HCN1: variants seen among roughly 807,000 people sequenced by gnomAD.
HCN1 encodes potassium/sodium hyperpolarization-activated cyclic nucleotide-gated channel 1.
HCN1 carries 13 observed loss-of-function variants against 78.9 expected under a neutral mutation model. The ratio of observed to expected loss-of-function variants is 0.16; its 90% CI spans 0.11 to 0.26. HCN1 has a LOEUF of 0.26. Among genes scored for constraint, HCN1 ranks in the 10% least tolerant of loss-of-function variants. The pLI is 1.00. For synonymous variants in HCN1, 552 were observed against 455.5 expected, an observed-to-expected ratio of 1.21 and a Z score of -2.70; for missense variants, 810 against 1,154.3, an observed-to-expected ratio of 0.70 and a Z score of 4.32.
chr5:45,364,042 TA>T (rs1747181105), intron 4 of HCN1, among the ~76,000 whole-genome samples: 1 of 152,076 alleles, frequency 6.6e-6, no homozygotes, highest in East Asian at 1.9e-4. Context: ...GATTCCAAAC[TA>T]AGACAGTATT....
intron 5 of HCN1, among the ~76,000 whole-genome samples, chr5:45,347,114 T>C (rs13164305): frequency 0.97 from 148,230 of 152,294 alleles, 72,253 homozygotes; most frequent in East Asian, 1. Context: ...GGGAGGCACC[T>C]CCCAGTAGGG....
At chr5:45,602,841 G>T (rs1579994193) in intron 2 of HCN1, among the ~76,000 whole-genome samples, 1 of 152,064 alleles carries the variant, frequency 6.6e-6, no homozygotes, top group African/African-American at 2.4e-5. Flanking sequence ...TTTGTGATCA[G>T]ATTTCACTTC....
intron 1 of HCN1, among the ~76,000 whole-genome samples, chr5:45,683,393 C>T (rs1358462502): frequency 1.3e-5 from 2 of 152,052 alleles, no homozygotes; most frequent in Non-Finnish European, 1.5e-5. Context: ...CTGAACTTAG[C>T]AGTTAACTCC....
chr5:45,494,814 A>C (rs923449141), intron 2 of HCN1, among the ~76,000 whole-genome samples: 1 of 152,218 alleles, frequency 6.6e-6, no homozygotes, highest in African/African-American at 2.4e-5. Flanking sequence ...AGCTTTCTAC[A>C]TATGGCTAGC....
intron 3 of HCN1, among the ~76,000 whole-genome samples, chr5:45,431,994 A>G (rs2112077949): frequency 6.6e-6 from 1 of 152,220 alleles, no homozygotes; most frequent in East Asian, 1.9e-4. Flanking sequence ...GTTTCATACA[A>G]ATAGCATTGA....
intron 4 of HCN1, among the ~76,000 whole-genome samples, chr5:45,378,375 A>G (rs1333599095): frequency 6.6e-6 from 1 of 152,084 alleles, no homozygotes; most frequent in Non-Finnish European, 1.5e-5. Flanking sequence ...ACTCTAGATA[A>G]AGAGGCATTT....
chr5:45,271,409 G>A (rs1186375535), intron 6 of HCN1, among the ~76,000 whole-genome samples: 1 of 146,092 alleles, frequency 6.8e-6, no homozygotes, highest in East Asian at 2.0e-4. Context: ...CACAGACACA[G>A]TTGCTTGGGC....
intron 5 of HCN1, among the ~76,000 whole-genome samples, chr5:45,320,215 G>T (rs1242463215): frequency 6.6e-6 from 1 of 151,712 alleles, no homozygotes; most frequent in Non-Finnish European, 1.5e-5. Context: ...ATTGACTTTA[G>T]AAACAAATAA....
intron 1 of HCN1, among the ~76,000 whole-genome samples, chr5:45,646,153 G>A (rs562181642): frequency 6.6e-6 from 1 of 152,036 alleles, no homozygotes; most frequent in South Asian, 2.1e-4. Flanking sequence ...GAATACACTG[G>A]AGTTTTGCAG....
chr5:45,271,359 T>TACACACAC lies in HCN1; in HGVS notation c.1619-4114_1619-4107dup, dbSNP rs34016747. ...ATGTCTGGTTTCCTGCTGATTCAGG[T>TACACACAC]ACACACACACACACACACACACACA... On this transcript the variant is annotated intron_variant, in intron 6 of 7. Coordinates refer to ENST00000303230, the MANE Select transcript of HCN1 (RefSeq NM_021072.4). Among the ~76,000 whole-genome samples, 585 of 137,406 alleles carry TACACACAC rather than the reference T, an allele frequency of 4.3e-3. 1 individual carries two copies. Among genetic ancestry groups the TACACACAC allele is most frequent in the South Asian group, 7.6e-3 (30 of 3,966 alleles). The allele number at this position is 137,406 out of a possible 152,430, so 90.1% of individuals were successfully genotyped here. A position where few individuals can be genotyped will look rare whatever the true frequency, so the allele number is the denominator to read the frequency against.
intron 2 of HCN1, among the ~76,000 whole-genome samples, chr5:45,561,575 T>C (rs1354390416): frequency 1.3e-5 from 2 of 149,238 alleles, no homozygotes; most frequent in Non-Finnish European, 3.0e-5. Context: ...GACTGGCCTT[T>C]GTCCCTGGCT....
chr5:45,345,071 A>C (rs1165763926), intron 5 of HCN1, among the ~76,000 whole-genome samples: 1 of 152,188 alleles, frequency 6.6e-6, no homozygotes, highest in Non-Finnish European at 1.5e-5. Flanking sequence ...ACCAAACCTC[A>C]GTTCTTGACT....
intron 1 of HCN1, among the ~76,000 whole-genome samples, chr5:45,666,754 CTAAA>C (rs940247863): frequency 5.3e-5 from 8 of 151,920 alleles, no homozygotes; most frequent in African/African-American, 1.9e-4. Context: ...AGTGAACTCC[CTAAA>C]TAAATTGAAT....
chr5:45,692,937 G>A (rs1427926544), intron 1 of HCN1, among the ~76,000 whole-genome samples: 1 of 152,086 alleles, frequency 6.6e-6, no homozygotes, highest in African/African-American at 2.4e-5. Context: ...ATCTTCATTT[G>A]TAATAACTCC....
intron 3 of HCN1, among the ~76,000 whole-genome samples, chr5:45,412,628 G>T (rs1740045176): frequency 6.6e-6 from 1 of 151,972 alleles, no homozygotes; most frequent in East Asian, 1.9e-4. Context: ...AAAATCAATG[G>T]CAATGTCTCT....
At chr5:45,320,873 A>G (rs1228762968) in intron 5 of HCN1, among the ~76,000 whole-genome samples, 2 of 151,870 alleles carry the variant, frequency 1.3e-5, no homozygotes, top group South Asian at 2.1e-4. Context: ...TCTATTCGTC[A>G]CAGTTTTTAA....
intron 5 of HCN1, among the ~76,000 whole-genome samples, chr5:45,346,507 T>C (rs542785524): frequency 2.6e-5 from 4 of 152,212 alleles, no homozygotes; most frequent in Admixed American, 2.6e-4. Context: ...TACCAGACAG[T>C]GGGCACAGGA....
chr5:45,626,626 G>A (rs906054422), intron 2 of HCN1, among the ~76,000 whole-genome samples: 17 of 152,048 alleles, frequency 1.1e-4, no homozygotes, highest in Non-Finnish European at 1.9e-4. Flanking sequence ...AGATTGGGGA[G>A]GCAGAGAAAA....
chr5:45,600,601 C>T (rs1744603023), intron 2 of HCN1, among the ~76,000 whole-genome samples: 1 of 152,208 alleles, frequency 6.6e-6, no homozygotes, highest in Non-Finnish European at 1.5e-5. Context: ...CAACATCTCA[C>T]TTCAAAGCTA....
Sources: allele counts gnomAD v4.1 joint callset (sites outside exome capture counted in the v4.1 genomes callset), GRCh38; gene constraint gnomAD v4.1.1; transcripts MANE v1.5; gene names NCBI Gene and HGNC (gene_info 2026-07-23, HGNC 2026-07-21).